The following DPH6 variants were observed in gnomAD, a reference collection of about 807,000 sequenced individuals.
DPH6 encodes the protein diphthine--ammonia ligase.
Under a neutral mutation model 38.2 loss-of-function variants are expected in DPH6, and 33 were observed. The observed-to-expected ratio is 0.86, with a 90% CI of 0.65 to 1.15. The LOEUF (loss-of-function observed/expected upper bound fraction) is 1.15. DPH6 is among the 50% of genes most tolerant of loss of function. DPH6 has a pLI of 0.00. For synonymous variants in DPH6, 108 were observed against 103.0 expected, an observed-to-expected ratio of 1.05 and a Z score of -0.30; for missense variants, 325 against 320.0, an observed-to-expected ratio of 1.02 and a Z score of -0.12.
chr15:35,251,333 A>C (rs2051672192), intron 3 of DPH6, among the ~76,000 whole-genome samples: 1 of 152,140 alleles, frequency 6.6e-6, no homozygotes, highest in Non-Finnish European at 1.5e-5. Context: ...ATGTCTCTTA[A>C]TATATGCCCG....
chr15:35,412,195 A>C (rs2053375257), intron 5 of DPH6, among the ~76,000 whole-genome samples: 1 of 151,866 alleles, frequency 6.6e-6, no homozygotes, highest in African/African-American at 2.4e-5. Flanking sequence ...TGGGCAAAAG[A>C]CCTTAACAGA....
chr15:35,367,150 A>T (rs1338307275), downstream of DPH6, among the ~76,000 whole-genome samples: 2 of 151,772 alleles, frequency 1.3e-5, no homozygotes, highest in Non-Finnish European at 2.9e-5. Context: ...TGTCCCAGGA[A>T]ATTATTTCAA....
At chr15:35,520,150 T>A (rs1376854333) in intron 3 of DPH6, 1 of 282,488 alleles carries the variant, frequency 3.5e-6, no homozygotes, top group Non-Finnish European at 5.3e-6. Flanking sequence ...AAAGACCAAT[T>A]CCATTTGTCC....
intron 3 of DPH6, among the ~76,000 whole-genome samples, chr15:35,533,567 C>A (rs776279238): frequency 4.6e-4 from 70 of 151,854 alleles, no homozygotes; most frequent in Non-Finnish European, 9.4e-4. Flanking sequence ...AAAATCTTGA[C>A]TTTGATTATA....
chr15:35,541,380 G>A (rs11631727), intron 2 of DPH6, among the ~76,000 whole-genome samples: 5,128 of 152,132 alleles, frequency 0.034, 135 homozygotes, highest in Middle Eastern at 0.075. Context: ...GCATAGAGCC[G>A]GCCCAAGTGA....
At chr15:35,374,441 C>T (rs1316765821) in intron 7 of DPH6, among the ~76,000 whole-genome samples, 1 of 151,882 alleles carries the variant, frequency 6.6e-6, no homozygotes, top group East Asian at 1.9e-4. Flanking sequence ...CATTTTGTCG[C>T]TAATGTAAAA....
At chr15:35,339,934 T>C (rs981112322) in intron 3 of DPH6, among the ~76,000 whole-genome samples, 14 of 152,140 alleles carry the variant, frequency 9.2e-5, no homozygotes, top group African/African-American at 3.1e-4. Context: ...CTGGCTATCA[T>C]TGTTAATTTT....
At chr15:35,236,365 G>C (rs543256383) in intron 3 of DPH6, among the ~76,000 whole-genome samples, 1 of 152,170 alleles carries the variant, frequency 6.6e-6, no homozygotes, top group African/African-American at 2.4e-5. Flanking sequence ...TTGGCTGGGC[G>C]CGGTGGCTCA....
chr15:35,391,661 C>T (rs2053059800), intron 6 of DPH6, among the ~76,000 whole-genome samples: 1 of 152,206 alleles, frequency 6.6e-6, no homozygotes, highest in South Asian at 2.1e-4. Context: ...ATATAATCTC[C>T]TGGTGTGCAG....
chr15:35,452,963 T>G, intron 4 of DPH6, among the ~76,000 whole-genome samples: 1 of 152,182 alleles, frequency 6.6e-6, no homozygotes, highest in East Asian at 1.9e-4. Context: ...GAAAAAACTT[T>G]TTGTCCATAA....
intron 3 of DPH6, among the ~76,000 whole-genome samples, chr15:35,296,723 A>G (rs1326865687): frequency 6.6e-6 from 1 of 151,644 alleles, no homozygotes; most frequent in Non-Finnish European, 1.5e-5. Context: ...CAATCTTACT[A>G]TATTTTCCTA....
chr15:35,224,582 T>C (rs149399352), intron 3 of DPH6, among the ~76,000 whole-genome samples: 2 of 152,298 alleles, frequency 1.3e-5, no homozygotes, highest in East Asian at 3.9e-4. Context: ...TTTGGGTAAA[T>C]ACCAAGGAGC....
intron 3 of DPH6, among the ~76,000 whole-genome samples, chr15:35,494,061 A>G (rs1399464744): frequency 6.6e-6 from 1 of 152,044 alleles, no homozygotes; most frequent in South Asian, 2.1e-4. Context: ...ATCTTTCTGT[A>G]TCTTACTTAG....
chr15:35,272,706 C>T (rs1221614789), intron 3 of DPH6, among the ~76,000 whole-genome samples: 1 of 151,994 alleles, frequency 6.6e-6, no homozygotes, highest in Non-Finnish European at 1.5e-5. Flanking sequence ...GTTAGGAGTT[C>T]AAGACCAGCC....
chr15:35,330,802 T>C (rs2052321608), exon 4 of DPH6: 1 of 152,218 alleles, frequency 6.6e-6, no homozygotes, highest in African/African-American at 2.4e-5. Flanking sequence ...TCAATGCTAA[T>C]CATTAAACAT....
chr15:35,513,873 C>T (rs2054810130), intron 3 of DPH6, among the ~76,000 whole-genome samples: 1 of 151,892 alleles, frequency 6.6e-6, no homozygotes. Context: ...AATATTTTAG[C>T]TATTATGTTA....
In DPH6 at chr15:35,469,600, T is replaced by C. The variant is rs537844143; in HGVS notation, c.313-14780A>G. ...CCAAGTGTTTGGCTTGGTCACTTGATAGAGAGCAATCACACTGACTGATAG... is the reference window on the plus strand; with the variant it reads ...CCAAGTGTTTGGCTTGGTCACTTGACAGAGAGCAATCACACTGACTGATAG... On this transcript the variant is annotated intron_variant, in intron 3 of 8. Coordinates refer to ENST00000256538, the MANE Select transcript of DPH6 (RefSeq NM_080650.4). Among the ~76,000 whole-genome samples, 4 of 152,234 alleles carry C rather than the reference T, an allele frequency of 2.6e-5. No homozygotes were observed. The South Asian group carries it at 8.3e-4, about 32-fold the overall frequency.
At chr15:35,317,800 T>C (rs78565574) in intron 3 of DPH6, among the ~76,000 whole-genome samples, 5,120 of 152,178 alleles carry the variant, frequency 0.034, 267 homozygotes, top group African/African-American at 0.12. Context: ...AGTTAAAATA[T>C]TTTACAGACC....
At chr15:35,511,594 G>A (rs1038835097) in intron 3 of DPH6, among the ~76,000 whole-genome samples, 4 of 152,036 alleles carry the variant, frequency 2.6e-5, no homozygotes, top group African/African-American at 9.6e-5. Flanking sequence ...AAAGAGCAGC[G>A]ATACTCCTCT....
Sources: allele counts gnomAD v4.1 joint callset (sites outside exome capture counted in the v4.1 genomes callset), GRCh38; gene constraint gnomAD v4.1.1; transcripts MANE v1.5; gene names NCBI Gene and HGNC (gene_info 2026-07-23, HGNC 2026-07-21).